Variants in SLC36A1 observed in about 807,000 individuals in gnomAD.
SLC36A1 encodes proton-coupled amino acid transporter 1.
Under a neutral mutation model 47.5 loss-of-function variants are expected in SLC36A1, and 30 were observed. The ratio of observed to expected loss-of-function variants is 0.63; its 90% CI spans 0.47 to 0.86. The LOEUF is 0.86. Among genes scored for constraint, SLC36A1 ranks in the 40% least tolerant of loss-of-function variants. SLC36A1 has a pLI of 0.00. For missense variants in SLC36A1, 517 were observed against 606.0 expected (o/e 0.85, Z 1.54); for synonymous variants, 255 against 249.7 (o/e 1.02, Z -0.20).
chr5:151,554,537 G>C, the SLC36A1 span: 4 of 1,614,214 alleles, frequency 2.5e-6, no homozygotes, highest in South Asian at 4.4e-5. Context: ...AGGGGACACA[G>C]GGCTCAGCCT....
the SLC36A1 span, among the ~76,000 whole-genome samples, chr5:151,399,356 G>A: frequency 6.6e-6 from 1 of 151,676 alleles, no homozygotes; most frequent in African/African-American, 2.4e-5. Context: ...CAAAGTGCTG[G>A]GATTATAGGC....
At chr5:151,507,637 C>G in the SLC36A1 span, 1 of 1,566,902 alleles carries the variant, frequency 6.4e-7, no homozygotes. Context: ...AGTCAGGGGG[C>G]CAAGTCATGA....
the SLC36A1 span, among the ~76,000 whole-genome samples, chr5:151,349,250 C>A: frequency 1.3e-5 from 2 of 152,060 alleles, no homozygotes; most frequent in African/African-American, 4.8e-5. Flanking sequence ...TATCTTCAGG[C>A]CTTTTGGAAA....
At chr5:151,409,987 G>A in the SLC36A1 span, among the ~76,000 whole-genome samples, 1 of 152,182 alleles carries the variant, frequency 6.6e-6, no homozygotes, top group Non-Finnish European at 1.5e-5. Flanking sequence ...TATATACCAG[G>A]CAGAATCCTA....
chr5:151,453,055 T>G (rs1172327660), intron 1 of SLC36A1, among the ~76,000 whole-genome samples: 1 of 150,516 alleles, frequency 6.6e-6, no homozygotes, highest in Non-Finnish European at 1.5e-5. Flanking sequence ...TAGAAAAAAA[T>G]TAGCCAGTTG....
the SLC36A1 span, chr5:151,378,200 A>T: frequency 7.6e-6 from 2 of 262,444 alleles, no homozygotes; most frequent in African/African-American, 4.6e-5. Flanking sequence ...AATCTTCTTC[A>T]TGAGACTGTA....
intron 1 of SLC36A1, among the ~76,000 whole-genome samples, chr5:151,454,173 A>T (rs1376635790): frequency 7.2e-6 from 1 of 139,396 alleles, no homozygotes; most frequent in East Asian, 2.2e-4. Flanking sequence ...TATCTAATGG[A>T]GATTTGGACT....
chr5:151,408,998 TC>T, the SLC36A1 span, among the ~76,000 whole-genome samples: 3 of 121,808 alleles, frequency 2.5e-5, no homozygotes, highest in African/African-American at 6.6e-5. Context: ...TTTTCTTTCC[TC>T]TTTTTTTTTT....
At chr5:151,543,449 G>A in the SLC36A1 span, 7 of 1,614,068 alleles carry the variant, frequency 4.3e-6, no homozygotes, top group South Asian at 4.4e-5. Context: ...CCTCCATCCC[G>A]AGCCATGACC....
chr5:151,369,897 C>T, the SLC36A1 span, among the ~76,000 whole-genome samples: 1 of 152,146 alleles, frequency 6.6e-6, no homozygotes, highest in Admixed American at 6.5e-5. Context: ...CAGATTCAAG[C>T]CATTCTCATG....
chr5:151,490,761 C>A lies in SLC36A1; in HGVS notation c.*2507C>A, dbSNP rs1760041110. ...AGGGCAGCTCCAGCCAGAGGACCTT[C>A]CTGGCTATGCAGGTGCACAGCTCTT... is the stretch of plus-strand genomic sequence containing the variant. On this transcript the variant is annotated 3_prime_UTR_variant, in exon 11 of 11. Transcript: ENST00000243389. 6.6e-6 allele frequency: 1 copy of A among 152,250 alleles called. No individual in the cohort carries two copies. Among genetic ancestry groups the A allele is most frequent in the East Asian group, 1.9e-4 (1 of 5,200 alleles). The allele number at this position is 152,250 out of a possible 1,614,324, so 9.4% of individuals were successfully genotyped here. A position where few individuals can be genotyped will look rare whatever the true frequency, so the allele number is the denominator to read the frequency against.
At chr5:151,539,971 A>T in the SLC36A1 span, among the ~76,000 whole-genome samples, 4 of 152,328 alleles carry the variant, frequency 2.6e-5, no homozygotes, top group African/African-American at 9.6e-5. Flanking sequence ...AGATGTGAGG[A>T]GGTGCATATA....
intron 3 of SLC36A1, among the ~76,000 whole-genome samples, 197 bp downstream of exon 3, chr5:151,463,840 T>C (rs1755948873): frequency 6.6e-6 from 1 of 152,278 alleles, no homozygotes; most frequent in Non-Finnish European, 1.5e-5. Context: ...GGCACTGTTC[T>C]AAGCTCTTAG....
chr5:151,391,895 A>G, the SLC36A1 span, among the ~76,000 whole-genome samples: 2 of 152,234 alleles, frequency 1.3e-5, no homozygotes, highest in Non-Finnish European at 2.9e-5. Context: ...CGGCTTTGGT[A>G]TCAAGATGAT....
the SLC36A1 span, among the ~76,000 whole-genome samples, chr5:151,369,913 G>C: frequency 6.6e-6 from 1 of 152,170 alleles, no homozygotes; most frequent in African/African-American, 2.4e-5. Flanking sequence ...TCATGCCTCA[G>C]CCTCTGGAGT....
chr5:151,485,131 G>A lies in SLC36A1; in HGVS notation c.1160-2852G>A, dbSNP rs183200035. Reference sequence around the variant, plus strand: ...CCATATTCAACCCTCAAGGTTTGGGGGATGTCACCAACTCTATTTAGAAGC... The same window carrying A: ...CCATATTCAACCCTCAAGGTTTGGGAGATGTCACCAACTCTATTTAGAAGC... On this transcript the variant is annotated intron_variant, in intron 10 of 10. Transcript: ENST00000243389. Among the ~76,000 whole-genome samples the A allele has an allele frequency of 7.7e-4, 117 of 152,260 alleles. 1 individual carries two copies. The highest frequency in any genetic ancestry group is 2.8e-3 in the African/African-American group (115 of 41,552).
chr5:151,554,716 A>G, the SLC36A1 span: 2 of 1,479,728 alleles, frequency 1.4e-6, no homozygotes, highest in Non-Finnish European at 9.3e-7. Context: ...TGACAATTGC[A>G]AATTAGTGAC....
chr5:151,371,301 A>C, the SLC36A1 span, among the ~76,000 whole-genome samples: 1 of 152,232 alleles, frequency 6.6e-6, no homozygotes, highest in Non-Finnish European at 1.5e-5. Flanking sequence ...TTAATTTTCT[A>C]TAAACTATAT....
chr5:151,525,852 G>A, the SLC36A1 span: 1 of 1,614,118 alleles, frequency 6.2e-7, no homozygotes, highest in South Asian at 1.1e-5. Flanking sequence ...TCACTCGGAA[G>A]GCAGAGCCGT....
Sources: allele counts gnomAD v4.1 joint callset (sites outside exome capture counted in the v4.1 genomes callset), GRCh38; gene constraint gnomAD v4.1.1; transcripts MANE v1.5; gene names NCBI Gene and HGNC (gene_info 2026-07-23, HGNC 2026-07-21).